Variants in ZNF280D observed in about 807,000 individuals in gnomAD.
The protein encoded by ZNF280D is suppressor of hairy wing homolog 4.
Under a neutral mutation model 94.7 loss-of-function variants are expected in ZNF280D, and 39 were observed. The observed-to-expected ratio is 0.41, with a 90% confidence interval of 0.32 to 0.54. The LOEUF is 0.54. ZNF280D is among the 20% of genes least tolerant of loss of function. The pLI, the probability that ZNF280D is intolerant of heterozygous loss-of-function variation, is 0.22. For missense variants in ZNF280D, 1,090 were observed against 1,149.3 expected (o/e 0.95, Z 0.75); for synonymous variants, 398 against 377.6 (o/e 1.05, Z -0.63).
chr15:56,725,937 A>G (rs1378875106), intron 1 of ZNF280D, among the ~76,000 whole-genome samples: 1 of 152,176 alleles, frequency 6.6e-6, no homozygotes, highest in African/African-American at 2.4e-5. Flanking sequence ...CTGTTATATA[A>G]AACCAGAAAA....
In ZNF280D at chr15:56,664,142, A is replaced by G. The variant is rs148639058; in HGVS notation, c.1994+2253T>C. On this transcript the variant is annotated intron_variant, in intron 16 of 21. Coordinates refer to ENST00000267807, the MANE Select transcript of ZNF280D (RefSeq NM_017661.4). ...TACTCTAAAGAAGTCACAGAGGAGT[A>G]AGAATGAAAAATAGGGAGTAAATAT... 2.4e-3 allele frequency among the ~76,000 whole-genome samples: 361 copies of G among 152,340 alleles called. 1 individual carries two copies. Among genetic ancestry groups the G allele is most frequent in the Middle Eastern group, 6.8e-3 (2 of 294 alleles).
chr15:56,700,517 T>C (rs2056999618), intron 6 of ZNF280D: 1 of 1,002,090 alleles, frequency 1.0e-6, no homozygotes, highest in Non-Finnish European at 1.2e-6. Context: ...AAAATGTTTG[T>C]TTTTTTTTAA....
chr15:56,645,671 C>A (rs528331669), intron 19 of ZNF280D, among the ~76,000 whole-genome samples: 3 of 152,222 alleles, frequency 2.0e-5, no homozygotes, highest in Admixed American at 6.5e-5. Context: ...CTCAGCCTCC[C>A]AAGTAGCTGG....
chr15:56,728,009 T>A (rs2058711341), intron 1 of ZNF280D, among the ~76,000 whole-genome samples: 1 of 151,840 alleles, frequency 6.6e-6, no homozygotes, highest in Non-Finnish European at 1.5e-5. Flanking sequence ...CCTTTACAAG[T>A]GTGTGCTAAA....
intron 7 of ZNF280D, among the ~76,000 whole-genome samples, chr15:56,690,338 C>T (rs998618623): frequency 2.0e-4 from 30 of 151,900 alleles, no homozygotes; most frequent in Admixed American, 1.2e-3. Flanking sequence ...GCCGAGATCG[C>T]GCCACTGCAC....
At position 56,654,371 on chromosome 15, in the gene ZNF280D, TTACATA is replaced by T; in HGVS notation, c.2176+8_2176+13del. 8.7e-6 allele frequency: 14 copies of T among 1,601,926 alleles called. No individual in the cohort carries two copies. Among genetic ancestry groups the T allele is most frequent in the Non-Finnish European group, 1.2e-5 (14 of 1,176,794 alleles). On this transcript the variant is annotated splice_region_variant and intron_variant, in intron 18 of 21. Transcript: ENST00000267807. Reference sequence around the variant, plus strand: ...AAGTCAAAAATCTAAAGTAGCACAGTTACATATACGTACCTTTCTGCATTACAACTT... The same window carrying T: ...AAGTCAAAAATCTAAAGTAGCACAGTTACGTACCTTTCTGCATTACAACTT...
chr15:56,708,846 C>G (rs1192858506), intron 1 of ZNF280D, among the ~76,000 whole-genome samples: 4 of 152,030 alleles, frequency 2.6e-5, no homozygotes, highest in African/African-American at 9.7e-5. Flanking sequence ...ACACCTTATA[C>G]AAAAATTAAT....
At chr15:56,723,347 T>G (rs917919668) in intron 1 of ZNF280D, among the ~76,000 whole-genome samples, 1 of 152,164 alleles carries the variant, frequency 6.6e-6, no homozygotes, top group African/African-American at 2.4e-5. Context: ...ACATGAAACT[T>G]TGAAAGTGAA....
At chr15:56,702,763 T>C (rs569982325) in intron 4 of ZNF280D, among the ~76,000 whole-genome samples, 40 of 152,212 alleles carry the variant, frequency 2.6e-4, no homozygotes, top group Non-Finnish European at 5.3e-4. Flanking sequence ...GGAAACAGTA[T>C]TGAAAATTCG....
intron 13 of ZNF280D, among the ~76,000 whole-genome samples, chr15:56,672,661 GTGTTTGTT>G (rs757293608): frequency 3.3e-5 from 5 of 151,662 alleles, no homozygotes; most frequent in Admixed American, 6.6e-5. Flanking sequence ...TTTTTTGTGT[GTGTTTGTT>G]TGTTTGTTTG....
At position 56,689,487 on chromosome 15, in the gene ZNF280D, A is replaced by G; in HGVS notation, c.500-17T>C. Reference sequence around the variant, plus strand: ...CACTCATACCTACAATAATTTAAATAGTGAGAAAAATATTTTTTAAAATTA... The same window carrying G: ...CACTCATACCTACAATAATTTAAATGGTGAGAAAAATATTTTTTAAAATTA... On this transcript the variant is annotated splice_polypyrimidine_tract_variant and intron_variant, in intron 7 of 21. Coordinates refer to ENST00000267807, the MANE Select transcript of ZNF280D (RefSeq NM_017661.4). 2 of 1,419,532 alleles carry G rather than the reference A, an allele frequency of 1.4e-6. No homozygotes were observed. The highest frequency in any genetic ancestry group is 1.9e-6 in the Non-Finnish European group (2 of 1,059,468). The allele number at this position is 1,419,532 out of a possible 1,614,324, so 87.9% of individuals were successfully genotyped here. A position where few individuals can be genotyped will look rare whatever the true frequency, so the allele number is the denominator to read the frequency against.
At position 56,633,825 on chromosome 15, in the gene ZNF280D, T is replaced by C. The variant is rs1408340388; in HGVS notation, c.2315+1370A>G. On this transcript the variant is annotated intron_variant, in intron 21 of 21. Coordinates refer to ENST00000267807, the MANE Select transcript of ZNF280D (RefSeq NM_017661.4). The stretch of plus-strand genomic sequence containing the variant: ...ATGTTATCCAGCAAGAAAGGAATGA[T>C]TAAATACATTATGGTATTAATAGTG... Among the ~76,000 whole-genome samples the C allele has an allele frequency of 2.0e-5, 3 of 151,958 alleles. No individual in the cohort carries two copies. The East Asian group carries it at 5.8e-4, about 29-fold the overall frequency.
intron 8 of ZNF280D, 48 bp downstream of exon 8, chr15:56,689,252 A>T (rs1200314182): frequency 1.9e-6 from 3 of 1,565,960 alleles, no homozygotes; most frequent in Non-Finnish European, 2.6e-6. Context: ...TCAAAAATGT[A>T]TGTATAAATA....
At chr15:56,732,639 C>A (rs947442567) in intron 1 of ZNF280D, 1 of 152,064 alleles carries the variant, frequency 6.6e-6, no homozygotes, top group Middle Eastern at 3.4e-3. Context: ...CAAACAAAGG[C>A]CTTTGGCCAA....
chr15:56,732,262 A>C (rs2058928835), intron 1 of ZNF280D, among the ~76,000 whole-genome samples: 2 of 152,158 alleles, frequency 1.3e-5, no homozygotes, highest in South Asian at 4.1e-4. Flanking sequence ...AGCAACCCAG[A>C]CCACTTCAAA....
Position 56,719,442 on chromosome 15 carries a change from T to C in ZNF280D, c.-85-12136A>G, listed in dbSNP as rs1211234909. 3.3e-5 allele frequency among the ~76,000 whole-genome samples: 5 copies of C among 152,188 alleles called. No homozygotes were observed. The East Asian group carries it at 9.6e-4, about 29-fold the overall frequency. On this transcript the variant is annotated intron_variant, in intron 1 of 21. Coordinates refer to ENST00000267807, the MANE Select transcript of ZNF280D (RefSeq NM_017661.4). The stretch of plus-strand genomic sequence containing the variant: ...CTACCCACACAGACTCCCTTTTGTT[T>C]TCTGCCATGAGTGGATGCAGCCTGA...
At chr15:56,683,084 G>A (rs2055745851) in intron 9 of ZNF280D, among the ~76,000 whole-genome samples, 1 of 152,062 alleles carries the variant, frequency 6.6e-6, no homozygotes, top group South Asian at 2.1e-4. Flanking sequence ...CATAATAGAT[G>A]ATAAATTACT....
At chr15:56,667,292 C>T (rs2054360540) in intron 14 of ZNF280D, among the ~76,000 whole-genome samples, 1 of 152,030 alleles carries the variant, frequency 6.6e-6, no homozygotes, top group Non-Finnish European at 1.5e-5. Flanking sequence ...TATTTTTATG[C>T]CCTGACTTAA....
chr15:56,666,600 T>A, intron 15 of ZNF280D, 65 bp from the exon 16 acceptor site: 2 of 1,521,542 alleles, frequency 1.3e-6, no homozygotes, highest in Non-Finnish European at 1.8e-6. Context: ...GGAAGAGCCT[T>A]AATAATGTTC....
Sources: allele counts gnomAD v4.1 joint callset (sites outside exome capture counted in the v4.1 genomes callset), GRCh38; gene constraint gnomAD v4.1.1; transcripts MANE v1.5; gene names NCBI Gene and HGNC (gene_info 2026-07-23, HGNC 2026-07-21).